Variants in TRPM3 observed in about 807,000 individuals in gnomAD.
TRPM3 encodes the protein long transient receptor potential channel 3.
TRPM3 carries 77 observed loss-of-function variants against 181.2 expected under a neutral mutation model. The observed-to-expected ratio is 0.42, with a 90% confidence interval of 0.35 to 0.51. The LOEUF is 0.51. TRPM3 is among the 20% of genes least tolerant of loss of function. The pLI is 0.01. For synonymous variants in TRPM3, 745 were observed against 796.4 expected (o/e 0.94, Z 1.09); for missense variants, 1,759 against 2,196.7 (o/e 0.80, Z 3.98).
At chr9:71,377,900 T>A (rs557496445) in intron 1 of TRPM3, among the ~76,000 whole-genome samples, 43 of 152,218 alleles carry the variant, frequency 2.8e-4, no homozygotes, top group African/African-American at 9.9e-4. Flanking sequence ...GGTTTTTATG[T>A]GGTTATATTT....
At chr9:70,936,433 G>C (rs949907199) in intron 1 of TRPM3, among the ~76,000 whole-genome samples, 2 of 152,146 alleles carry the variant, frequency 1.3e-5, no homozygotes, top group Non-Finnish European at 2.9e-5. Flanking sequence ...GCTTTTGATA[G>C]GATGTTTCAT....
At chr9:71,248,701 T>C (rs1351208090) in intron 1 of TRPM3, among the ~76,000 whole-genome samples, 1 of 152,218 alleles carries the variant, frequency 6.6e-6, no homozygotes, top group Non-Finnish European at 1.5e-5. Flanking sequence ...ATCTTCCCAG[T>C]CAGCCAAGAC....
chr9:70,868,044 A>C (rs1453519439), intron 1 of TRPM3, among the ~76,000 whole-genome samples: 5 of 152,106 alleles, frequency 3.3e-5, no homozygotes, highest in Admixed American at 2.0e-4. Flanking sequence ...TCTTTAATAC[A>C]AAACTTTAAC....
rs546577564 is a variant in TRPM3 at position 70,662,610 on chromosome 9, T to C, written c.1345+18896A>G. Reference sequence around the variant, plus strand: ...TGAACAGACACTTCTCAAAAGAAGATATACAAATGGCCAACAAACACATGA... The same window carrying C: ...TGAACAGACACTTCTCAAAAGAAGACATACAAATGGCCAACAAACACATGA... On this transcript the variant is annotated intron_variant, in intron 9 of 25. Transcript: ENST00000677713. Among the ~76,000 whole-genome samples the C allele has an allele frequency of 2.2e-3, 328 of 152,168 alleles. 1 individual carries two copies. The highest frequency in any genetic ancestry group is 3.3e-3 in the Non-Finnish European group (224 of 67,940).
At chr9:70,824,780 A>T (rs1359554030) in intron 6 of TRPM3, 1 of 152,114 alleles carries the variant, frequency 6.6e-6, no homozygotes, top group African/African-American at 2.4e-5. Flanking sequence ...TAGAAAGTAG[A>T]TTTGCTGTTC....
At chr9:70,951,804 G>A (rs1255184645) in intron 1 of TRPM3, among the ~76,000 whole-genome samples, 3 of 152,160 alleles carry the variant, frequency 2.0e-5, no homozygotes, top group African/African-American at 7.2e-5. Context: ...AGAGCTAAAG[G>A]AATGCCTTAA....
At chr9:70,978,831 C>G (rs1192937924) in intron 1 of TRPM3, among the ~76,000 whole-genome samples, 4 of 152,212 alleles carry the variant, frequency 2.6e-5, no homozygotes, top group Admixed American at 2.6e-4. Context: ...CAACAAAAAG[C>G]ATCGAGCTTA....
intron 1 of TRPM3, among the ~76,000 whole-genome samples, chr9:70,987,931 A>C (rs955525695): frequency 6.6e-6 from 1 of 152,176 alleles, no homozygotes; most frequent in Non-Finnish European, 1.5e-5. Flanking sequence ...AGTGGTTCCC[A>C]AATGCCAGAC....
chr9:70,979,728 T>C (rs1392142572), intron 1 of TRPM3, among the ~76,000 whole-genome samples: 2 of 152,104 alleles, frequency 1.3e-5, no homozygotes, highest in African/African-American at 4.8e-5. Flanking sequence ...AAAGATTGGG[T>C]GGCTTAAATA....
intron 1 of TRPM3, among the ~76,000 whole-genome samples, chr9:71,108,886 T>A (rs960048645): frequency 7.9e-5 from 12 of 152,178 alleles, no homozygotes; most frequent in African/African-American, 2.9e-4. Flanking sequence ...TGCCCAGAGA[T>A]TTGGTCAAAC....
intron 1 of TRPM3, among the ~76,000 whole-genome samples, chr9:71,268,467 G>A (rs569983217): frequency 3.3e-5 from 5 of 152,192 alleles, no homozygotes; most frequent in Admixed American, 2.0e-4. Flanking sequence ...AACAACTATA[G>A]TACTTAGAAC....
intron 22 of TRPM3, among the ~76,000 whole-genome samples, chr9:70,570,760 A>C (rs1268113227): frequency 6.6e-6 from 1 of 152,224 alleles, no homozygotes; most frequent in Non-Finnish European, 1.5e-5. Context: ...AGATTCAGGT[A>C]CCAAGTGTCC....
intron 1 of TRPM3, among the ~76,000 whole-genome samples, chr9:71,286,511 G>A (rs759821929): frequency 8.5e-5 from 13 of 152,076 alleles, no homozygotes; most frequent in Non-Finnish European, 1.8e-4. Flanking sequence ...GTGACCAAAG[G>A]AGTTACAATG....
intron 1 of TRPM3, among the ~76,000 whole-genome samples, chr9:71,005,180 G>T (rs1263935595): frequency 6.6e-6 from 1 of 152,148 alleles, no homozygotes; most frequent in East Asian, 1.9e-4. Flanking sequence ...GGCCAGGTGG[G>T]CAGATCACCT....
At chr9:71,097,446 A>T (rs948926693) in intron 1 of TRPM3, among the ~76,000 whole-genome samples, 7 of 152,146 alleles carry the variant, frequency 4.6e-5, no homozygotes, top group African/African-American at 1.7e-4. Context: ...TGCATTTAAC[A>T]TATTTATATG....
At chr9:70,538,321 G>T (rs778999455) in intron 25 of TRPM3, among the ~76,000 whole-genome samples, 34 of 152,120 alleles carry the variant, frequency 2.2e-4, no homozygotes, top group Non-Finnish European at 1.0e-4. Flanking sequence ...GAGATGGGGG[G>T]GGTCTCACTT....
rs189141680 is a variant in TRPM3, at chr9:71,279,865, G to A, written c.183+166788C>T. On this transcript the variant is annotated intron_variant, in intron 1 of 24. Coordinates refer to the TRPM3 transcript ENST00000357533. ...GGCCGAGGCAGGCGGATCACCTGAG[G>A]TCAGGAGTTCGAGACCAGCCTGACC... Among the ~76,000 whole-genome samples the A allele has an allele frequency of 6.1e-3, 933 of 152,200 alleles. 15 individuals are homozygous for A. The highest frequency in any genetic ancestry group is 0.021 in the African/African-American group (886 of 41,530).
chr9:71,143,018 C>A (rs1057477120), intron 1 of TRPM3, among the ~76,000 whole-genome samples: 1 of 149,326 alleles, frequency 6.7e-6, no homozygotes, highest in African/African-American at 2.5e-5. Flanking sequence ...GGCCTGGTGG[C>A]ACATGCCTGT....
intron 1 of TRPM3, among the ~76,000 whole-genome samples, chr9:71,436,622 A>T (rs1345776102): frequency 2.6e-5 from 4 of 151,820 alleles, no homozygotes; most frequent in African/African-American, 9.7e-5. Flanking sequence ...TTTTCTTCCC[A>T]GTCTTGAGTA....
Sources: gnomAD v4.1 joint callset for allele counts (sites outside exome capture counted in the v4.1 genomes callset) on GRCh38, gnomAD v4.1.1 for gene constraint, MANE v1.5 for transcripts, NCBI Gene and HGNC (gene_info 2026-07-23, HGNC 2026-07-21) for gene names.